The following SLC35F3 variants were observed in gnomAD, a reference collection of about 807,000 sequenced individuals.
SLC35F3 encodes the protein solute carrier family 35 member F3, also known as putative thiamine transporter SLC35F3.
In SLC35F3, 25 loss-of-function variants were observed where a neutral mutation model predicts 49.9. The observed-to-expected ratio is 0.50, with a 90% CI of 0.37 to 0.70. The LOEUF is 0.70. Ranked by LOEUF, SLC35F3 falls within the 30% of genes least tolerant of loss-of-function variation. The probability of loss-of-function intolerance (pLI) is 0.00; values close to 1 mark genes in which losing one functional copy is unlikely to be tolerated. For synonymous variants in SLC35F3, 275 were observed against 265.4 expected (o/e 1.04, Z -0.35); for missense variants, 525 against 639.8 (o/e 0.82, Z 1.94).
chr1:234,118,075 A>C (rs1665520140), intron 2 of SLC35F3, among the ~76,000 whole-genome samples: 3 of 151,916 alleles, frequency 2.0e-5, no homozygotes, highest in Non-Finnish European at 4.4e-5. Context: ...TGGGATATCC[A>C]GACTCAATTG....
chr1:234,076,460 A>C (rs966376634), intron 2 of SLC35F3, among the ~76,000 whole-genome samples: 2 of 147,858 alleles, frequency 1.4e-5, no homozygotes, highest in African/African-American at 2.5e-5. Flanking sequence ...TAATCATCAT[A>C]ATAATTTTTT....
intron 2 of SLC35F3, among the ~76,000 whole-genome samples, chr1:234,108,854 C>A (rs1049786050): frequency 6.9e-6 from 1 of 145,024 alleles, no homozygotes; most frequent in African/African-American, 2.6e-5. Flanking sequence ...AAATATGTTT[C>A]TCTCATAGCC....
chr1:233,950,915 C>G (rs371891959), intron 2 of SLC35F3, among the ~76,000 whole-genome samples: 6 of 152,060 alleles, frequency 3.9e-5, no homozygotes, highest in African/African-American at 1.2e-4. Context: ...ACTGAACAAA[C>G]CTTCTAGCTT....
intron 2 of SLC35F3, among the ~76,000 whole-genome samples, chr1:234,111,907 G>A (rs1458664013): frequency 6.6e-6 from 1 of 152,248 alleles, no homozygotes; most frequent in African/African-American, 2.4e-5. Context: ...TGTATCCTGT[G>A]TAGTCCCCAT....
intron 2 of SLC35F3, among the ~76,000 whole-genome samples, chr1:233,924,467 AT>A (rs1227583718): frequency 6.6e-6 from 1 of 152,126 alleles, no homozygotes; most frequent in African/African-American, 2.4e-5. Flanking sequence ...GGTAGTTTGT[AT>A]TTCTGTGGGA....
chr1:234,211,282 G>T (rs1368282523), intron 2 of SLC35F3, among the ~76,000 whole-genome samples: 1 of 152,212 alleles, frequency 6.6e-6, no homozygotes, highest in Non-Finnish European at 1.5e-5. Flanking sequence ...AAAATTTGGG[G>T]TCAGAGCCCA....
At chr1:234,132,273 T>C (rs1665748202) in intron 2 of SLC35F3, among the ~76,000 whole-genome samples, 1 of 152,238 alleles carries the variant, frequency 6.6e-6, no homozygotes, top group South Asian at 2.1e-4. Flanking sequence ...AATTTCTGCC[T>C]CGTACATTGC....
intron 2 of SLC35F3, among the ~76,000 whole-genome samples, chr1:233,994,078 T>A (rs113430029): frequency 1.4e-3 from 212 of 152,334 alleles, no homozygotes; most frequent in African/African-American, 4.7e-3. Flanking sequence ...AAAGGCCAAG[T>A]TCCTGACAGA....
At chr1:234,223,480 A>C (rs1667240352) in intron 2 of SLC35F3, among the ~76,000 whole-genome samples, 1 of 152,214 alleles carries the variant, frequency 6.6e-6, no homozygotes, top group South Asian at 2.1e-4. Flanking sequence ...TTGTTTTTAA[A>C]CACAACTTCA....
intron 2 of SLC35F3, among the ~76,000 whole-genome samples, chr1:234,087,043 T>G (rs1382783182): frequency 6.6e-6 from 1 of 152,220 alleles, no homozygotes; most frequent in South Asian, 2.1e-4. Flanking sequence ...ACATGACCTG[T>G]TTGAACTTCT....
At chr1:234,072,658 G>A (rs377704428) in intron 2 of SLC35F3, among the ~76,000 whole-genome samples, 12 of 152,144 alleles carry the variant, frequency 7.9e-5, no homozygotes, top group Admixed American at 2.6e-4. Flanking sequence ...CGGGAAGAAC[G>A]GTGTTCCAGG....
At chr1:234,106,318 A>T (rs1665284628) in intron 2 of SLC35F3, among the ~76,000 whole-genome samples, 1 of 152,222 alleles carries the variant, frequency 6.6e-6, no homozygotes, top group Non-Finnish European at 1.5e-5. Context: ...AGAAAGAAAG[A>T]GCAATACAAA....
chr1:234,114,618 T>C (rs1665457564), intron 2 of SLC35F3, among the ~76,000 whole-genome samples: 1 of 152,242 alleles, frequency 6.6e-6, no homozygotes, highest in Admixed American at 6.5e-5. Flanking sequence ...TTGCTGAGAA[T>C]TGAGATTTAA....
intron 2 of SLC35F3, among the ~76,000 whole-genome samples, chr1:234,209,963 A>G (rs1667026307): frequency 6.6e-6 from 1 of 152,162 alleles, no homozygotes; most frequent in Non-Finnish European, 1.5e-5. Context: ...CACTTACGAT[A>G]TGGTTTGGCT....
intron 2 of SLC35F3, among the ~76,000 whole-genome samples, chr1:234,035,753 T>A (rs1333974219): frequency 6.6e-6 from 1 of 152,184 alleles, no homozygotes; most frequent in Non-Finnish European, 1.5e-5. Flanking sequence ...TTACAAGAGC[T>A]CTTTTTTGTT....
At chr1:234,166,854 T>C (rs1462828446) in intron 2 of SLC35F3, among the ~76,000 whole-genome samples, 1 of 152,218 alleles carries the variant, frequency 6.6e-6, no homozygotes, top group Non-Finnish European at 1.5e-5. Context: ...CGTTCTTCAG[T>C]AGCAGTTTCA....
At chr1:233,978,543 A>G (rs529117959) in intron 2 of SLC35F3, among the ~76,000 whole-genome samples, 7 of 152,344 alleles carry the variant, frequency 4.6e-5, no homozygotes, top group Middle Eastern at 3.4e-3. Context: ...AAGTCTTCCT[A>G]GACAAAACCT....
intron 3 of SLC35F3, among the ~76,000 whole-genome samples, chr1:234,290,825 C>G (rs1021926306): frequency 6.6e-6 from 1 of 152,182 alleles, no homozygotes; most frequent in African/African-American, 2.4e-5. Flanking sequence ...ATTAAAGAAC[C>G]TGAGGGTTCT....
intron 2 of SLC35F3, among the ~76,000 whole-genome samples, chr1:234,021,920 T>A (rs999437909): frequency 1.3e-5 from 2 of 152,222 alleles, no homozygotes; most frequent in Non-Finnish European, 2.9e-5. Context: ...AAGAGTGTAT[T>A]GTGCCCAGCT....
Sources: gnomAD v4.1 joint callset for allele counts (sites outside exome capture counted in the v4.1 genomes callset) on GRCh38, gnomAD v4.1.1 for gene constraint, MANE v1.5 for transcripts, NCBI Gene and HGNC (gene_info 2026-07-23, HGNC 2026-07-21) for gene names.